Variants in YES1 observed in about 807,000 individuals in gnomAD.
YES1 encodes the protein tyrosine-protein kinase Yes.
YES1 carries 39 observed loss-of-function variants against 70.4 expected under a neutral mutation model. That is an observed-to-expected ratio of 0.55 (90% CI 0.43 to 0.72). YES1 has a LOEUF of 0.72. Among genes scored for constraint, YES1 ranks in the 30% least tolerant of loss-of-function variants. The pLI is 0.00. For missense variants in YES1, 495 were observed against 644.8 expected (o/e 0.77, Z 2.52); for synonymous variants, 198 against 218.6 (o/e 0.91, Z 0.83).
intron 1 of YES1, among the ~76,000 whole-genome samples, chr18:801,878 T>C (rs1906841849): frequency 6.6e-6 from 1 of 152,216 alleles, no homozygotes; most frequent in Admixed American, 6.5e-5. Context: ...ACATGCTCTG[T>C]TAATCTGGCG....
chr18:737,063 T>C (rs2080162287), intron 9 of YES1, 102 bp from the exon 10 acceptor site: 3 of 1,019,462 alleles, frequency 2.9e-6, no homozygotes, highest in African/African-American at 1.6e-5. Flanking sequence ...AAAATCATAT[T>C]ATTTTAGAAG....
intron 3 of YES1, among the ~76,000 whole-genome samples, chr18:749,441 TC>T (rs1385695573): frequency 6.6e-6 from 1 of 151,976 alleles, no homozygotes; most frequent in East Asian, 1.9e-4. Context: ...GAGTTTGCAG[TC>T]AGCCAAGATC....
At chr18:787,555 C>T (rs1253444506) in intron 1 of YES1, among the ~76,000 whole-genome samples, 3 of 151,970 alleles carry the variant, frequency 2.0e-5, no homozygotes, top group African/African-American at 7.2e-5. Flanking sequence ...ACTAAAAATA[C>T]AAAGATTGGC....
chr18:791,713 A>G (rs916672261), intron 1 of YES1, among the ~76,000 whole-genome samples: 1 of 152,222 alleles, frequency 6.6e-6, no homozygotes, highest in African/African-American at 2.4e-5. Flanking sequence ...CATGCAATTA[A>G]TATTTAATAG....
chr18:734,895 C>T (rs74336330), intron 10 of YES1, among the ~76,000 whole-genome samples: 1,653 of 152,240 alleles, frequency 0.011, 36 homozygotes, highest in African/African-American at 0.037. Context: ...TGGTGGCTCA[C>T]GCCTGTAATC....
At chr18:781,415 T>A (rs1905663435) in intron 1 of YES1, among the ~76,000 whole-genome samples, 1 of 152,094 alleles carries the variant, frequency 6.6e-6, no homozygotes, top group South Asian at 2.1e-4. Flanking sequence ...GCTTGGCTTG[T>A]GACTACTCAA....
chr18:790,937 T>C (rs902560456), intron 1 of YES1, among the ~76,000 whole-genome samples: 1 of 152,278 alleles, frequency 6.6e-6, no homozygotes, highest in African/African-American at 2.4e-5. Context: ...TATTCATTCA[T>C]TAATTCAAAA....
chr18:812,126 C>G lies in YES1; in HGVS notation c.-21G>C, dbSNP rs1401190712. 4 of 152,832 alleles carry G rather than the reference C, an allele frequency of 2.6e-5. No homozygotes were observed. In the South Asian group the frequency reaches 7.1e-4, roughly 27 times the overall value. 9.5% of individuals were successfully genotyped at this position (152,832 alleles called of 1,614,324 possible). Reference sequence around the variant, plus strand: ...ACCGGGTCCTTACCTGTCCTCCGGCCGCGCTCTCATGAGTCGCTGCTACCG... The same window carrying G: ...ACCGGGTCCTTACCTGTCCTCCGGCGGCGCTCTCATGAGTCGCTGCTACCG... On this transcript the variant is annotated 5_prime_UTR_variant, in exon 1 of 12. Transcript: ENST00000314574.
chr18:796,930 TCA>T (rs776754285), intron 1 of YES1, among the ~76,000 whole-genome samples: 4 of 151,980 alleles, frequency 2.6e-5, no homozygotes, highest in Non-Finnish European at 4.4e-5. Flanking sequence ...AAAAATTACC[TCA>T]CAACATACAT....
intron 4 of YES1, among the ~76,000 whole-genome samples, chr18:746,676 A>C (rs1056650411): frequency 6.6e-6 from 1 of 152,238 alleles, no homozygotes; most frequent in African/African-American, 2.4e-5. Context: ...TATCATATAC[A>C]AGGTACGGTG....
chr18:741,644 A>C (rs182448683), intron 8 of YES1, among the ~76,000 whole-genome samples: 1 of 152,204 alleles, frequency 6.6e-6, no homozygotes, highest in African/African-American at 2.4e-5. Context: ...TCTGTAGAAA[A>C]ATACACAAAT....
At chr18:754,533 C>G (rs570570626) in intron 2 of YES1, among the ~76,000 whole-genome samples, 1 of 152,036 alleles carries the variant, frequency 6.6e-6, no homozygotes, top group Non-Finnish European at 1.5e-5. Flanking sequence ...TGGTGAAACC[C>G]CGTCTCTACT....
intron 9 of YES1, 129 bp from the exon 10 acceptor site, chr18:737,090 G>T: frequency 1.3e-6 from 1 of 761,838 alleles, no homozygotes; most frequent in Non-Finnish European, 2.0e-6. Flanking sequence ...ATGGTAACAG[G>T]GTATAGTCTA....
intron 2 of YES1, among the ~76,000 whole-genome samples, 173 bp from the exon 3 acceptor site, chr18:751,977 A>C (rs1360611229): frequency 6.6e-6 from 1 of 152,200 alleles, no homozygotes. Flanking sequence ...GAGAGACATG[A>C]CCATATTTTA....
chr18:735,518 GACT>G (rs1457033966), intron 10 of YES1, among the ~76,000 whole-genome samples: 1 of 151,996 alleles, frequency 6.6e-6, no homozygotes, highest in Middle Eastern at 3.4e-3. Flanking sequence ...GTGGATAAAA[GACT>G]ACATGTTGGA....
chr18:731,924 G>A (rs62091711), intron 11 of YES1, among the ~76,000 whole-genome samples: 13,979 of 131,188 alleles, frequency 0.11, 851 homozygotes, highest in East Asian at 0.3. Flanking sequence ...CTGAGATCGT[G>A]CCACTGCACT....
intron 1 of YES1, among the ~76,000 whole-genome samples, chr18:792,579 G>T (rs377090901): frequency 7.7e-6 from 1 of 129,278 alleles, no homozygotes; most frequent in Admixed American, 8.3e-5. Flanking sequence ...GTGTGTGTGT[G>T]TGTGTGTATA....
chr18:752,709 G>A (rs1242143253), intron 2 of YES1, among the ~76,000 whole-genome samples: 5 of 152,126 alleles, frequency 3.3e-5, no homozygotes, highest in African/African-American at 7.2e-5. Flanking sequence ...TTGGGAGGCC[G>A]AGGTGGGCAA....
chr18:762,207 C>A (rs534739203), intron 1 of YES1, among the ~76,000 whole-genome samples: 18 of 152,338 alleles, frequency 1.2e-4, no homozygotes, highest in African/African-American at 3.8e-4. Context: ...GTAATCTCAG[C>A]TACTCAGGAG....
Sources: gnomAD v4.1 joint callset for allele counts (sites outside exome capture counted in the v4.1 genomes callset) on GRCh38, gnomAD v4.1.1 for gene constraint, MANE v1.5 for transcripts, NCBI Gene and HGNC (gene_info 2026-07-23, HGNC 2026-07-21) for gene names.